Variants in PLEKHA5 observed in about 807,000 individuals in gnomAD.
PLEKHA5 encodes pleckstrin homology domain-containing family A member 5.
A neutral mutation model predicts 181.9 loss-of-function variants in PLEKHA5; 55 were observed. That is an observed-to-expected ratio of 0.30 (90% CI 0.24 to 0.38). The LOEUF (loss-of-function observed/expected upper bound fraction) is 0.38. Among genes scored for constraint, PLEKHA5 ranks in the 10% least tolerant of loss-of-function variants. The probability of loss-of-function intolerance (pLI) is 1.00; values close to 1 mark genes in which losing one functional copy is unlikely to be tolerated. For synonymous variants in PLEKHA5, 535 were observed against 529.4 expected, an observed-to-expected ratio of 1.01 and a Z score of -0.15; for missense variants, 1,432 against 1,549.5, an observed-to-expected ratio of 0.92 and a Z score of 1.27.
chr12:19,181,494 G>T (rs1208376650), intron 3 of PLEKHA5, among the ~76,000 whole-genome samples: 1 of 152,190 alleles, frequency 6.6e-6, no homozygotes, highest in Non-Finnish European at 1.5e-5. Context: ...GCCCTTTAGG[G>T]CTGGGCATGG....
chr12:19,306,335 T>TG, intron 15 of PLEKHA5: 1 of 419,670 alleles, frequency 2.4e-6, no homozygotes, highest in South Asian at 1.9e-5. Context: ...GAGGTGGGGG[T>TG]GGCCGTTTGT....
chr12:19,185,587 G>A lies in PLEKHA5; in HGVS notation c.227+53137G>A, dbSNP rs548451106. On this transcript the variant is annotated intron_variant, in intron 3 of 31. Coordinates refer to ENST00000429027, the MANE Select transcript of PLEKHA5 (RefSeq NM_001256470.2). ...CATATTAGTTGAGTCTCTGGATCTA[G>A]CCATTCCTGAATCTACTCCTGAACT... 2.0e-5 allele frequency among the ~76,000 whole-genome samples: 3 copies of A among 152,276 alleles called. No homozygotes were observed. The South Asian group carries it at 6.2e-4, about 32-fold the overall frequency.
At chr12:19,367,258 C>CTT (rs376634416) in intron 30 of PLEKHA5, among the ~76,000 whole-genome samples, 31 of 71,950 alleles carry the variant, frequency 4.3e-4, no homozygotes, top group East Asian at 1.4e-3. Flanking sequence ...TTTGCTTCTT[C>CTT]TTTTTTTTTT....
At chr12:19,314,350 GTATAT>G (rs552456603) in intron 15 of PLEKHA5, among the ~76,000 whole-genome samples, 21 of 152,206 alleles carry the variant, frequency 1.4e-4, no homozygotes, top group Middle Eastern at 3.4e-3. Flanking sequence ...GACACATTCA[GTATAT>G]TATATTTTAA....
At chr12:19,284,202 G>A (rs1008712422) in intron 12 of PLEKHA5, among the ~76,000 whole-genome samples, 1 of 152,066 alleles carries the variant, frequency 6.6e-6, no homozygotes, top group Admixed American at 6.6e-5. Flanking sequence ...CCGAGTAGCT[G>A]GGATTACAGA....
chr12:19,270,539 A>C (rs942800676), intron 10 of PLEKHA5, among the ~76,000 whole-genome samples: 14 of 152,168 alleles, frequency 9.2e-5, no homozygotes, highest in African/African-American at 3.4e-4. Context: ...TTCCTTGATA[A>C]TATAGATAAG....
chr12:19,132,959 T>C (rs1002916720), intron 3 of PLEKHA5, among the ~76,000 whole-genome samples: 2 of 150,254 alleles, frequency 1.3e-5, no homozygotes, highest in Non-Finnish European at 3.0e-5. Context: ...ACCTTGTTCA[T>C]GTATATTTTG....
intron 23 of PLEKHA5, among the ~76,000 whole-genome samples, chr12:19,346,375 C>T (rs931468286): frequency 1.3e-5 from 2 of 151,966 alleles, no homozygotes; most frequent in African/African-American, 4.8e-5. Flanking sequence ...TGCAGTGGCT[C>T]ATGCCTGTAA....
In PLEKHA5 at chr12:19,302,906, ATTTTTTTTTTTTTT is replaced by A. The variant is rs34702332; in HGVS notation, c.2037+11229_2037+11242del. ...GTTGGACAGCACTGTTCTGTATGAA[ATTTTTTTTTTTTTT>A]TTTTTTTTTTTTTTTTTTTGAGATG... On this transcript the variant is annotated intron_variant, in intron 15 of 31. Coordinates refer to ENST00000429027, the MANE Select transcript of PLEKHA5 (RefSeq NM_001256470.2). 3.3e-4 allele frequency among the ~76,000 whole-genome samples: 18 copies of A among 54,002 alleles called. No individual in the cohort carries two copies. The Admixed American group carries it at 3.8e-3, about 11-fold the overall frequency. 35.4% of individuals were successfully genotyped at this position (54,002 alleles called of 152,430 possible). A position where few individuals can be genotyped will look rare whatever the true frequency, so the allele number is the denominator to read the frequency against.
intron 10 of PLEKHA5, among the ~76,000 whole-genome samples, chr12:19,273,909 T>C (rs142879044): frequency 1.3e-5 from 2 of 152,344 alleles, no homozygotes; most frequent in East Asian, 3.9e-4. Flanking sequence ...GCATAGGCAC[T>C]TTAAGTGTTC....
At chr12:19,315,275 G>T (rs1391231844) in intron 16 of PLEKHA5, among the ~76,000 whole-genome samples, 1 of 151,920 alleles carries the variant, frequency 6.6e-6, no homozygotes, top group Non-Finnish European at 1.5e-5. Flanking sequence ...TTACTTTCAG[G>T]GGTTGCCCTC....
rs1198855422 is a variant in PLEKHA5 at position 19,353,903 on chromosome 12, A to C, written c.3039A>C (p.Gly1013=). The C allele has an allele frequency of 6.3e-7, 1 of 1,589,616 alleles. No individual in the cohort carries two copies. Among genetic ancestry groups the C allele is most frequent in the Non-Finnish European group, 8.6e-7 (1 of 1,158,092 alleles). The change falls in exon 26 of 32, where the codon GGA becomes GGC. Residue 1013 remains glycine (G), a synonymous_variant. Transcript: ENST00000429027. ...TTTTAGGTTCCCACTTTCCTGTTGG[A>C]GTAGTCCCTCCAAGAGCAAAATCAC... ...SVVKGSHFPV[G]VVPPRAKSPT...
At chr12:19,275,720 A>T (rs377283310) in intron 11 of PLEKHA5, among the ~76,000 whole-genome samples, 2 of 152,206 alleles carry the variant, frequency 1.3e-5, no homozygotes, top group South Asian at 2.1e-4. Flanking sequence ...GTGAGCTATG[A>T]CTGTGCCAGT....
intron 10 of PLEKHA5, 77 bp downstream of exon 10, chr12:19,270,282 T>C (rs2072223979): frequency 6.8e-6 from 5 of 731,786 alleles, no homozygotes; most frequent in Non-Finnish European, 1.0e-5. Flanking sequence ...AGATTCTAAA[T>C]CTTAGAAGAG....
chr12:19,256,809 A>G (rs1014168617), intron 5 of PLEKHA5, among the ~76,000 whole-genome samples: 2 of 152,180 alleles, frequency 1.3e-5, no homozygotes, highest in African/African-American at 2.4e-5. Context: ...CATGGTAACC[A>G]TAGCAGTATT....
At chr12:19,158,611 T>C (rs1487628040) in intron 3 of PLEKHA5, among the ~76,000 whole-genome samples, 1 of 152,180 alleles carries the variant, frequency 6.6e-6, no homozygotes, top group Non-Finnish European at 1.5e-5. Context: ...GTAAAAGACA[T>C]TTCACCTGCT....
At chr12:19,354,143 C>CCTTTT (rs2094771304) in intron 26 of PLEKHA5, 141 bp downstream of exon 26, 3 of 73,892 alleles carry the variant, frequency 4.1e-5, no homozygotes, top group Non-Finnish European at 6.8e-5. Context: ...ATTCTTTATT[C>CCTTTT]TTTTTTTTTT....
chr12:19,349,376 A>G (rs115248255), intron 25 of PLEKHA5, among the ~76,000 whole-genome samples: 1,634 of 152,180 alleles, frequency 0.011, 37 homozygotes, highest in African/African-American at 0.037. Flanking sequence ...TCAGCCTCCC[A>G]AGGTGTTGGG....
Position 19,274,667 on chromosome 12 carries a change from T to C in PLEKHA5, c.997T>C (p.Tyr333His). The change falls in exon 11 of 32, where the codon TAT (tyrosine) becomes CAT (histidine). Residue 333 changes from tyrosine to histidine, a missense_variant. Tyr to His is a moderately conservative substitution (Grantham distance 83). This residue lies in a region of PLEKHA5 where 1,143 missense variants were observed against 1,168.4 expected (regional missense o/e 0.98). Transcript: ENST00000429027. ...EEKKALEAEK[Y>H]GFQKDGQDRP... ...AAAAAAGGCATTAGAAGCTGAAAAA[T>C]ATGGATTTCAGAAGGATGGTCAAGA... 1 of 1,613,656 alleles carries C rather than the reference T, an allele frequency of 6.2e-7. No individual in the cohort carries two copies. Among genetic ancestry groups the C allele is most frequent in the Non-Finnish European group, 8.5e-7 (1 of 1,179,752 alleles).
Sources: gnomAD v4.1 joint callset for allele counts (sites outside exome capture counted in the v4.1 genomes callset) on GRCh38, gnomAD v4.1.1 for gene constraint, gnomAD v4.1.1 regional missense constraint, MANE v1.5 for transcripts, NCBI Gene and HGNC (gene_info 2026-07-23, HGNC 2026-07-21) for gene names.